The following PBLD variants were observed in gnomAD, a reference collection of about 807,000 sequenced individuals.
The protein encoded by PBLD is phenazine biosynthesis like protein domain containing, also known as phenazine biosynthesis-like domain-containing protein.
In PBLD, 26 loss-of-function variants were observed where a neutral mutation model predicts 31.3. The ratio of observed to expected loss-of-function variants is 0.83; its 90% CI spans 0.61 to 1.15. The LOEUF (loss-of-function observed/expected upper bound fraction) is 1.15, where lower values mean the gene tolerates loss of function less well. Among genes scored for constraint, PBLD ranks in the 50% most tolerant of loss-of-function variants. The probability of loss-of-function intolerance (pLI) is 0.00; values close to 1 mark genes in which losing one functional copy is unlikely to be tolerated. For synonymous variants in PBLD, 114 were observed against 129.0 expected, an observed-to-expected ratio of 0.88 and a Z score of 0.79; for missense variants, 307 against 351.7, an observed-to-expected ratio of 0.87 and a Z score of 1.02.
At chr10:68,292,396 T>TC (rs1281307256) in intron 4 of PBLD, among the ~76,000 whole-genome samples, 158 bp from the exon 5 acceptor site, 1 of 152,174 alleles carries the variant, frequency 6.6e-6, no homozygotes, top group Non-Finnish European at 1.5e-5. Flanking sequence ...TGGAGAAAAC[T>TC]CTCACTAGAT....
chr10:68,309,351 G>C (rs866091532), intron 1 of PBLD, among the ~76,000 whole-genome samples: 1 of 136,538 alleles, frequency 7.3e-6, no homozygotes, highest in African/African-American at 2.8e-5. Context: ...AAGTTGCAGT[G>C]AGCCGAGATT....
Position 68,284,084 on chromosome 10 carries a change from C to G in PBLD, c.*93G>C, listed in dbSNP as rs928454839. On this transcript the variant is annotated 3_prime_UTR_variant, in exon 10 of 10. Transcript: ENST00000358769. ...TTTAACATGAGGATTAAGTAGACTA[C>G]TACGCACATTTGCTAAAGGCAGCCC... is the stretch of plus-strand genomic sequence containing the variant. 8 of 1,182,244 alleles carry G rather than the reference C, an allele frequency of 6.8e-6. No homozygotes were observed. Among genetic ancestry groups the G allele is most frequent in the African/African-American group, 3.1e-5 (2 of 65,108 alleles). 73.2% of individuals were successfully genotyped at this position (1,182,244 alleles called of 1,614,324 possible).
At chr10:68,329,775 T>C (rs1378217278) in intron 1 of PBLD, among the ~76,000 whole-genome samples, 1 of 152,156 alleles carries the variant, frequency 6.6e-6, no homozygotes, top group African/African-American at 2.4e-5. Context: ...TTAGGCAACA[T>C]AACCTCAATT....
chr10:68,285,320 A>G (rs765906608), intron 9 of PBLD, 28 bp downstream of exon 9: 1 of 1,614,020 alleles, frequency 6.2e-7, no homozygotes, highest in East Asian at 2.2e-5. Context: ...AGGCAAATAA[A>G]AAAGAAATTG....
chr10:68,315,372 G>A (rs902790527), intron 1 of PBLD, among the ~76,000 whole-genome samples: 1 of 152,004 alleles, frequency 6.6e-6, no homozygotes, highest in African/African-American at 2.4e-5. Context: ...TTGACTTGAG[G>A]TCAGGAGTTC....
chr10:68,312,631 A>G (rs1381245715), intron 1 of PBLD, among the ~76,000 whole-genome samples: 2 of 111,558 alleles, frequency 1.8e-5, no homozygotes, highest in African/African-American at 7.2e-5. Flanking sequence ...TTTTTTTGAG[A>G]CAGAGTCTTG....
At chr10:68,314,276 C>G (rs967089151) in intron 1 of PBLD, among the ~76,000 whole-genome samples, 7 of 152,126 alleles carry the variant, frequency 4.6e-5, no homozygotes, top group African/African-American at 1.7e-4. Context: ...CACACCTAGC[C>G]TAAATTTAGA....
chr10:68,292,512 C>CTTTTTTTTTT (rs66894235), intron 4 of PBLD, among the ~76,000 whole-genome samples: 2 of 147,168 alleles, frequency 1.4e-5, no homozygotes. Flanking sequence ...ACTTAGCCTC[C>CTTTTTTTTTT]TTTTTTTTTT....
At chr10:68,286,351 G>A (rs1011479215) in intron 8 of PBLD, among the ~76,000 whole-genome samples, 4 of 152,012 alleles carry the variant, frequency 2.6e-5, no homozygotes, top group Non-Finnish European at 5.9e-5. Context: ...GCCTCTCAAA[G>A]GGCTGGGATT....
At chr10:68,309,128 C>T (rs916131243) in intron 1 of PBLD, among the ~76,000 whole-genome samples, 1 of 149,864 alleles carries the variant, frequency 6.7e-6, no homozygotes, top group Non-Finnish European at 1.5e-5. Context: ...ACTTCATGGC[C>T]TGGTGCAGTG....
intron 1 of PBLD, among the ~76,000 whole-genome samples, chr10:68,326,282 C>T (rs895932840): frequency 1.3e-5 from 2 of 152,028 alleles, no homozygotes; most frequent in African/African-American, 2.4e-5. Context: ...TCAAGTGATC[C>T]GCCAGCTTCG....
chr10:68,327,065 TA>T (rs374097075), intron 1 of PBLD, among the ~76,000 whole-genome samples: 27 of 146,052 alleles, frequency 1.8e-4, no homozygotes, highest in African/African-American at 3.2e-4. Context: ...ACAACAACAA[TA>T]AAAAAAAAAC....
At chr10:68,300,732 C>T (rs1464722266) in intron 2 of PBLD, among the ~76,000 whole-genome samples, 1 of 152,092 alleles carries the variant, frequency 6.6e-6, no homozygotes, top group Non-Finnish European at 1.5e-5. Context: ...GTCATTGAGA[C>T]ACATAGATTT....
chr10:68,319,124 AAGAG>A (rs1285527994), intron 1 of PBLD, among the ~76,000 whole-genome samples: 1 of 152,028 alleles, frequency 6.6e-6, no homozygotes, highest in Non-Finnish European at 1.5e-5. Context: ...AAAAGAAAGA[AAGAG>A]AGAAGGAGAA....
intron 1 of PBLD, among the ~76,000 whole-genome samples, chr10:68,330,709 C>CGTGTGTGTGTGTGTGTGTGTGT (rs56166847): frequency 1.3e-4 from 19 of 142,912 alleles, no homozygotes; most frequent in African/African-American, 2.4e-4. Flanking sequence ...CCACGCCCGG[C>CGTGTGTGTGTGTGTGTGTGTGT]GTGTGTGTGT....
chr10:68,311,313 A>C (rs1464443321), intron 1 of PBLD, among the ~76,000 whole-genome samples: 12 of 151,976 alleles, frequency 7.9e-5, no homozygotes, highest in Non-Finnish European at 1.8e-4. Context: ...GCGGCCAGGC[A>C]TGGTGGCTCA....
chr10:68,326,401 C>T (rs1867569), intron 1 of PBLD, among the ~76,000 whole-genome samples: 8,962 of 152,146 alleles, frequency 0.059, 383 homozygotes, highest in East Asian at 0.19. Context: ...TTCAGTAATG[C>T]TCTCAAATCA....
intron 1 of PBLD, 30 bp from the exon 2 acceptor site, chr10:68,306,933 T>C (rs1670376395): frequency 1.0e-5 from 10 of 1,004,468 alleles, no homozygotes; most frequent in African/African-American, 3.2e-5. Context: ...AAAAAGTTAA[T>C]GTTTTACTTG....
At chr10:68,319,053 G>GAGAGAAAGAA (rs1431193816) in intron 1 of PBLD, among the ~76,000 whole-genome samples, 3 of 98,832 alleles carry the variant, frequency 3.0e-5, no homozygotes, top group East Asian at 3.6e-4. Context: ...AAGAAAGAGA[G>GAGAGAAAGAA]AGAAAGAAAG....
Sources: gnomAD v4.1 joint callset for allele counts (sites outside exome capture counted in the v4.1 genomes callset) on GRCh38, gnomAD v4.1.1 for gene constraint, MANE v1.5 for transcripts, NCBI Gene and HGNC (gene_info 2026-07-23, HGNC 2026-07-21) for gene names.